TUBA3D: variants seen among roughly 807,000 people sequenced by gnomAD.
The protein encoded by TUBA3D is tubulin alpha-3D chain.
In TUBA3D, 24 loss-of-function variants were observed where a neutral mutation model predicts 36.1. The ratio of observed to expected loss-of-function variants is 0.66; its 90% CI spans 0.48 to 0.93. The LOEUF (loss-of-function observed/expected upper bound fraction) is 0.93. Ranked by LOEUF, TUBA3D falls within the 40% of genes least tolerant of loss-of-function variation. The pLI is 0.00. For missense variants in TUBA3D, 356 were observed against 614.5 expected, an observed-to-expected ratio of 0.58 and a Z score of 4.45; for synonymous variants, 185 against 247.2, an observed-to-expected ratio of 0.75 and a Z score of 2.36.
At chr2:131,478,674 C>T in intron 2 of TUBA3D, 1 of 551,062 alleles carries the variant, frequency 1.8e-6, no homozygotes, top group Non-Finnish European at 3.1e-6. Flanking sequence ...GGTGGCCCTG[C>T]CTGCAGGGTG....
At position 131,482,532 on chromosome 2, in the gene TUBA3D, T is replaced by C. The variant is rs1291245764; in HGVS notation, c.1057-20T>C. 1 of 1,591,094 alleles carries C rather than the reference T, an allele frequency of 6.3e-7. No homozygotes were observed. ...TTTGATATAAGCTTCATGGACTGCTTTCTTTCCCTTCTCTGGCAGGTGGGC... is the reference window on the plus strand; with the variant it reads ...TTTGATATAAGCTTCATGGACTGCTCTCTTTCCCTTCTCTGGCAGGTGGGC... On this transcript the variant is annotated intron_variant, in intron 4 of 4. Transcript: ENST00000321253.
At chr2:131,482,524 G>T (rs1314698256) in intron 4 of TUBA3D, 28 bp from the exon 5 acceptor site, 14 of 1,584,768 alleles carry the variant, frequency 8.8e-6, no homozygotes, top group Non-Finnish European at 1.2e-5. Flanking sequence ...TAAGCTTCAT[G>T]GACTGCTTTC....
rs745718611 is a variant in TUBA3D, at chr2:131,480,675, G to A, written c.982G>A (p.Val328Ile). 9 of 1,613,750 alleles carry A rather than the reference G, an allele frequency of 5.6e-6. No homozygotes were observed. Among genetic ancestry groups the A allele is most frequent in the Middle Eastern group, 1.6e-4 (1 of 6,084 alleles). The change falls in exon 4 of 5, where the codon GTC becomes ATC. Residue 328 changes from valine to isoleucine, a missense_variant. Physicochemically the swap from Val to Ile is conservative, Grantham distance 29. Around this residue, in one of 3 missense-constraint regions of TUBA3D, gnomAD observed 156 missense variants for 219.8 expected, o/e 0.71. Transcript: ENST00000321253. ...LYRGDVVPKDVNAAIATIKTK... is the reference protein window; with the variant it reads ...LYRGDVVPKDINAAIATIKTK... Reference sequence around the variant, plus strand: ...CAGGGGGGACGTGGTCCCCAAAGACGTCAACGCGGCCATCGCCACCATCAA... The same window carrying A: ...CAGGGGGGACGTGGTCCCCAAAGACATCAACGCGGCCATCGCCACCATCAA...
rs70994779 is a variant in TUBA3D at position 131,481,435 on chromosome 2, A to ATTTTT, written c.1056+700_1056+704dup. Among the ~76,000 whole-genome samples, 616 of 129,230 alleles carry ATTTTT rather than the reference A, an allele frequency of 4.8e-3. 13 individuals are homozygous for ATTTTT. Among genetic ancestry groups the ATTTTT allele is most frequent in the African/African-American group, 0.018 (583 of 33,090 alleles). The allele number at this position is 129,230 out of a possible 152,430, so 84.8% of individuals were successfully genotyped here. ...AGACATGCAACACCATGCCCGGGTA[A>ATTTTT]TTTTTTTTTTTTTTTTTTGAGACAG... is the stretch of plus-strand genomic sequence containing the variant. On this transcript the variant is annotated intron_variant, in intron 4 of 4. Transcript: ENST00000321253.
In TUBA3D at chr2:131,479,409, A is replaced by G. The variant is rs529008084; in HGVS notation, c.328A>G (p.Ile110Val). Residue 110 changes from isoleucine to valine, a missense_variant, in exon 3 of 5, where the codon ATC (isoleucine) becomes GTC (valine). Physicochemically the swap from Ile to Val is conservative, Grantham distance 29. Transcript: ENST00000321253. ...TAATTACGCCAGGGGCCATTACACC[A>G]TCGGCAAGGAGATTGTTGACCTAGT... ...ANNYARGHYTIGKEIVDLVLD... is the reference protein window; with the variant it reads ...ANNYARGHYTVGKEIVDLVLD... 6.2e-7 allele frequency: 1 copy of G among 1,614,166 alleles called. No homozygotes were observed. The highest frequency in any genetic ancestry group is 8.5e-7 in the Non-Finnish European group (1 of 1,180,040).
At chr2:131,477,895 A>G (rs1436543535) in intron 1 of TUBA3D, among the ~76,000 whole-genome samples, 2 of 152,158 alleles carry the variant, frequency 1.3e-5, no homozygotes, top group African/African-American at 4.8e-5. Context: ...TTGACATTAC[A>G]TGGCTTCCAA....
At chr2:131,477,037 CTT>C (rs1229461335) in intron 1 of TUBA3D, among the ~76,000 whole-genome samples, 4 of 108,684 alleles carry the variant, frequency 3.7e-5, no homozygotes, top group African/African-American at 6.8e-5. Flanking sequence ...CTTTTTCTTT[CTT>C]TTTTTTTTTT....
At position 131,480,260 on chromosome 2, in the gene TUBA3D, G is replaced by A. The variant is rs138979077; in HGVS notation, c.567G>A (p.Leu189=). Residue 189 remains leucine, a synonymous_variant, in exon 4 of 5, where the codon CTG becomes CTA. Transcript: ENST00000321253. ...TAVVEPYNSI[L]TTHTTLEHSD... ...TGGTGGAGCCCTACAACTCCATCCTGACCACCCACACGACCCTGGAACATT... is the reference window on the plus strand; with the variant it reads ...TGGTGGAGCCCTACAACTCCATCCTAACCACCCACACGACCCTGGAACATT... 244 of 1,613,490 alleles carry A rather than the reference G, an allele frequency of 1.5e-4. No homozygotes were observed. The highest frequency in any genetic ancestry group is 1.8e-4 in the South Asian group (16 of 91,064).
In TUBA3D at chr2:131,477,861, C is replaced by T. The variant is rs145489198; in HGVS notation, c.4-303C>T. Among the ~76,000 whole-genome samples, 48 of 152,258 alleles carry T rather than the reference C, an allele frequency of 3.2e-4. 1 individual carries two copies. The East Asian group carries it at 8.5e-3, about 27-fold the overall frequency. ...CATATTCTTCAGAGAATTACTGTGA[C>T]GGGCTATAATGTGGGGTTGATTATT... On this transcript the variant is annotated intron_variant, in intron 1 of 4. Transcript: ENST00000321253.
intron 3 of TUBA3D, 50 bp downstream of exon 3, chr2:131,479,506 T>G: frequency 6.2e-7 from 1 of 1,601,104 alleles, no homozygotes; most frequent in Non-Finnish European, 8.5e-7. Context: ...GGAGGGGTAG[T>G]TCTTGGAATG....
rs1349296321 is a variant in TUBA3D, at chr2:131,478,375, C to T, written c.215C>T (p.Pro72Leu). The part of the protein sequence containing the change: ...VPRAVFVDLE[P>L]TVVDEVRTGT... ...AGAGCAGTGTTTGTGGACCTGGAGC[C>T]CACTGTGGTCGGTAGGTGCCTGGGC... The change falls in exon 2 of 5, where the codon CCC becomes CTC. Residue 72 changes from proline (P) to leucine (L), a missense_variant. This residue lies in a region of TUBA3D where 109 missense variants were observed against 153.7 expected (regional missense o/e 0.71). Transcript: ENST00000321253. 17 of 1,612,886 alleles carry T rather than the reference C, an allele frequency of 1.1e-5. No individual in the cohort carries two copies. In the Admixed American group the frequency reaches 2.7e-4, roughly 25 times the overall value.
chr2:131,476,145 G>A lies in TUBA3D; in HGVS notation c.-55G>A. On this transcript the variant is annotated 5_prime_UTR_variant, in exon 1 of 5. It adds an upstream start codon to the 5' untranslated region. Transcript: ENST00000321253. The stretch of plus-strand genomic sequence containing the variant: ...GGTTGCAGTTGGGCGCTCAGCAGCT[G>A]TGGCAGCCGGTTGAGGTCTGGCAGT... 6.2e-7 allele frequency: 1 copy of A among 1,612,974 alleles called. No individual in the cohort carries two copies. The highest frequency in any genetic ancestry group is 8.5e-7 in the Non-Finnish European group (1 of 1,179,780).
chr2:131,477,191 C>T (rs1237616163), intron 1 of TUBA3D, among the ~76,000 whole-genome samples: 1 of 151,702 alleles, frequency 6.6e-6, no homozygotes, highest in Non-Finnish European at 1.5e-5. Flanking sequence ...GTGTGTGCCA[C>T]CACACCTGGC....
Position 131,476,187 on chromosome 2 carries a change from A to C in TUBA3D, c.-13A>C. 1 of 1,613,972 alleles carries C rather than the reference A, an allele frequency of 6.2e-7. No individual in the cohort carries two copies. The highest frequency in any genetic ancestry group is 8.5e-7 in the Non-Finnish European group (1 of 1,179,986). ...TCTGGCAGTAGCGTTGGGCTGAAGC[A>C]GCGGAGTTCGCCATGGTAAGGCCCG... On this transcript the variant is annotated 5_prime_UTR_variant, in exon 1 of 5. Transcript: ENST00000321253.
At position 131,479,536 on chromosome 2, in the gene TUBA3D, T is replaced by C. The variant is rs1678780285; in HGVS notation, c.375+80T>C. On this transcript the variant is annotated intron_variant, in intron 3 of 4. Coordinates refer to ENST00000321253, the MANE Select transcript of TUBA3D (RefSeq NM_080386.4). ...GGAATGTGAAAGGGAAGTCATTTTA[T>C]CAACACTTAGACCAGCATCTTGGCC... The C allele has an allele frequency of 1.9e-6, 3 of 1,586,556 alleles. No individual in the cohort carries two copies. In the African/African-American group the frequency reaches 4.0e-5, roughly 21 times the overall value.
chr2:131,480,916 T>A (rs555606320), intron 4 of TUBA3D, among the ~76,000 whole-genome samples, 167 bp downstream of exon 4: 1 of 152,036 alleles, frequency 6.6e-6, no homozygotes, highest in African/African-American at 2.4e-5. Flanking sequence ...ATTTCTTTTT[T>A]TTTTTTTGAG....
intron 1 of TUBA3D, among the ~76,000 whole-genome samples, chr2:131,477,845 C>G (rs1210560773): frequency 6.6e-6 from 1 of 152,162 alleles, no homozygotes; most frequent in African/African-American, 2.4e-5. Context: ...ACATATTCTT[C>G]AGAGAATTAC....
chr2:131,476,210 C>T lies in TUBA3D; in HGVS notation c.3+8C>T, dbSNP rs764823700. 2 of 1,613,914 alleles carry T rather than the reference C, an allele frequency of 1.2e-6. No individual in the cohort carries two copies. The highest frequency in any genetic ancestry group is 2.2e-5 in the South Asian group (2 of 91,074). On this transcript the variant is annotated splice_region_variant and intron_variant, in intron 1 of 4. Coordinates refer to ENST00000321253, the MANE Select transcript of TUBA3D (RefSeq NM_080386.4). ...GCAGCGGAGTTCGCCATGGTAAGGC[C>T]CGGGTCACTCCCGCCCCGCAGATGC...
chr2:131,479,956 A>G, intron 3 of TUBA3D, 113 bp from the exon 4 acceptor site: 1 of 1,395,424 alleles, frequency 7.2e-7, no homozygotes, highest in Non-Finnish European at 9.6e-7. Flanking sequence ...TTTATTATGG[A>G]TGATTTGAAT....
Sources: gnomAD v4.1 joint callset for allele counts (sites outside exome capture counted in the v4.1 genomes callset) on GRCh38, gnomAD v4.1.1 for gene constraint, gnomAD v4.1.1 regional missense constraint, MANE v1.5 for transcripts, NCBI Gene and HGNC (gene_info 2026-07-23, HGNC 2026-07-21) for gene names.